Variants in SNTG1 observed in about 807,000 individuals in gnomAD.
SNTG1 encodes the protein syntrophin gamma 1.
SNTG1 carries 39 observed loss-of-function variants against 74.7 expected under a neutral mutation model. That is an observed-to-expected ratio of 0.52 (90% CI 0.40 to 0.68). SNTG1 has a LOEUF of 0.68. Ranked by LOEUF, SNTG1 falls within the 30% of genes least tolerant of loss-of-function variation. The pLI is 0.00. For synonymous variants in SNTG1, 254 were observed against 217.1 expected, an observed-to-expected ratio of 1.17 and a Z score of -1.49; for missense variants, 685 against 609.5, an observed-to-expected ratio of 1.12 and a Z score of -1.30.
chr8:50,279,689 CAA>C (rs1187304989), intron 2 of SNTG1, among the ~76,000 whole-genome samples: 2 of 152,024 alleles, frequency 1.3e-5, no homozygotes, highest in East Asian at 3.9e-4. Context: ...ATCATGCATA[CAA>C]GAGAGATGAC....
intron 13 of SNTG1, among the ~76,000 whole-genome samples, chr8:50,600,196 G>T (rs113518082): frequency 6.6e-6 from 1 of 151,758 alleles, no homozygotes; most frequent in African/African-American, 2.4e-5. Flanking sequence ...TTGAATTTGC[G>T]TTGACAGTAT....
chr8:50,202,551 T>C (rs1309670543), intron 2 of SNTG1, among the ~76,000 whole-genome samples: 1 of 152,192 alleles, frequency 6.6e-6, no homozygotes, highest in Non-Finnish European at 1.5e-5. Flanking sequence ...TACTGAATAC[T>C]GTTCTATTGC....
At chr8:50,276,373 TTATATATATATA>T (rs6150576) in intron 2 of SNTG1, among the ~76,000 whole-genome samples, 1,517 of 143,458 alleles carry the variant, frequency 0.011, 30 homozygotes, top group African/African-American at 0.035. Flanking sequence ...CAAGTAAATT[TTATATATATATA>T]TATATATATA....
intron 1 of SNTG1, among the ~76,000 whole-genome samples, chr8:50,060,594 A>G (rs1409934628): frequency 3.3e-5 from 5 of 151,694 alleles, no homozygotes; most frequent in Non-Finnish European, 7.4e-5. Context: ...AACTTCTTGC[A>G]CTATGTTGAA....
intron 18 of SNTG1, among the ~76,000 whole-genome samples, chr8:50,773,145 A>G (rs1012047139): frequency 1.3e-5 from 2 of 152,132 alleles, no homozygotes; most frequent in African/African-American, 4.8e-5. Flanking sequence ...GACCTTTCTC[A>G]TTGGAAAAAT....
At chr8:50,585,793 G>A (rs1398331949) in intron 12 of SNTG1, among the ~76,000 whole-genome samples, 1 of 151,658 alleles carries the variant, frequency 6.6e-6, no homozygotes, top group Non-Finnish European at 1.5e-5. Context: ...GTATCTTTTT[G>A]GGTTTTCTAA....
intron 1 of SNTG1, among the ~76,000 whole-genome samples, chr8:49,939,252 T>C (rs1301657046): frequency 6.6e-6 from 1 of 152,224 alleles, no homozygotes; most frequent in African/African-American, 2.4e-5. Flanking sequence ...TAAATTCATA[T>C]GTTGGCAACT....
At position 49,938,603 on chromosome 8, in the gene SNTG1, T is replaced by TTTCTTTCTTTCTTTC. The variant is rs10629764; in HGVS notation, c.-103+26374_-103+26375insCTTTCTTTCTTTCTT. Among the ~76,000 whole-genome samples the TTTCTTTCTTTCTTTC allele has an allele frequency of 7.8e-3, 581 of 74,734 alleles. 28 individuals are homozygous for TTTCTTTCTTTCTTTC. The highest frequency in any genetic ancestry group is 0.017 in the South Asian group (28 of 1,674). 49.0% of individuals were successfully genotyped at this position (74,734 alleles called of 152,430 possible). On this transcript the variant is annotated intron_variant, in intron 1 of 18. Transcript: ENST00000642720. ...TTTTCTTTTCTTTTCTTTTCTTTTC[T>TTTCTTTCTTTCTTTC]TTTCTTTCTTTCTTTCTTTCTTTCT...
intron 1 of SNTG1, among the ~76,000 whole-genome samples, chr8:50,074,486 G>A (rs562015403): frequency 2.0e-5 from 3 of 152,260 alleles, no homozygotes; most frequent in African/African-American, 7.2e-5. Context: ...GGAGGTCCGA[G>A]TAGAGTGAGA....
intron 1 of SNTG1, among the ~76,000 whole-genome samples, chr8:50,033,808 A>G (rs1817933758): frequency 6.6e-6 from 1 of 152,200 alleles, no homozygotes; most frequent in Admixed American, 6.5e-5. Flanking sequence ...ATACAGCCAC[A>G]TTCTGAGGTA....
intron 18 of SNTG1, among the ~76,000 whole-genome samples, chr8:50,778,433 T>C (rs2095647854): frequency 1.3e-5 from 2 of 151,916 alleles, no homozygotes; most frequent in South Asian, 4.1e-4. Flanking sequence ...TGGTTTTGAT[T>C]TGCATTTCTC....
chr8:49,983,400 C>T (rs545387000), intron 1 of SNTG1, among the ~76,000 whole-genome samples: 60 of 152,126 alleles, frequency 3.9e-4, no homozygotes, highest in Non-Finnish European at 8.1e-4. Context: ...ATCATTTATA[C>T]TGCATTCAAT....
At chr8:50,131,330 T>A (rs1392382288) in intron 1 of SNTG1, among the ~76,000 whole-genome samples, 2 of 152,138 alleles carry the variant, frequency 1.3e-5, no homozygotes, top group Non-Finnish European at 2.9e-5. Flanking sequence ...TTTGGAGGTA[T>A]AATTGAAAAA....
At chr8:50,041,511 G>C (rs1434733570) in intron 1 of SNTG1, among the ~76,000 whole-genome samples, 2 of 152,154 alleles carry the variant, frequency 1.3e-5, no homozygotes, top group African/African-American at 4.8e-5. Context: ...GTAAAAATAA[G>C]TCTTGGGATT....
chr8:50,645,237 G>A (rs1375800201), intron 13 of SNTG1, among the ~76,000 whole-genome samples: 3 of 109,202 alleles, frequency 2.7e-5, no homozygotes, highest in Non-Finnish European at 3.9e-5. Flanking sequence ...TTAATTCTTT[G>A]CTCCTCTCTT....
At chr8:50,516,676 A>C (rs1008197397) in intron 9 of SNTG1, among the ~76,000 whole-genome samples, 1 of 152,246 alleles carries the variant, frequency 6.6e-6, no homozygotes, top group Non-Finnish European at 1.5e-5. Context: ...AAATTGATCA[A>C]ATAGAAGAAA....
chr8:50,477,415 A>C (rs992643314), intron 8 of SNTG1, among the ~76,000 whole-genome samples: 1 of 152,182 alleles, frequency 6.6e-6, no homozygotes, highest in Non-Finnish European at 1.5e-5. Context: ...TATGAGAAAA[A>C]AAATCAGAAA....
At chr8:50,683,825 C>T (rs573737259) in intron 15 of SNTG1, among the ~76,000 whole-genome samples, 1 of 152,266 alleles carries the variant, frequency 6.6e-6, no homozygotes, top group East Asian at 1.9e-4. Flanking sequence ...TCATTTGCTT[C>T]ATTTGATTTT....
chr8:50,604,920 G>T (rs2094801984), intron 13 of SNTG1, among the ~76,000 whole-genome samples: 1 of 152,136 alleles, frequency 6.6e-6, no homozygotes, highest in South Asian at 2.1e-4. Flanking sequence ...AGGTATCCCT[G>T]CAGGTTATTC....
Sources: allele counts gnomAD v4.1 joint callset (sites outside exome capture counted in the v4.1 genomes callset), GRCh38; gene constraint gnomAD v4.1.1; transcripts MANE v1.5; gene names NCBI Gene and HGNC (gene_info 2026-07-23, HGNC 2026-07-21).